The following XIRP2 variants were observed in gnomAD, a reference collection of about 807,000 sequenced individuals.
XIRP2 encodes the protein xin actin binding repeat containing 2.
Under a neutral mutation model 277.0 loss-of-function variants are expected in XIRP2, and 236 were observed. The ratio of observed to expected loss-of-function variants is 0.85; its 90% CI spans 0.77 to 0.95. XIRP2 has a LOEUF of 0.95. Among genes scored for constraint, XIRP2 ranks in the 40% least tolerant of loss-of-function variants. XIRP2 has a pLI of 0.00. For synonymous variants in XIRP2, 1,490 were observed against 1,416.5 expected (o/e 1.05, Z -1.17); for missense variants, 4,640 against 4,157.5 (o/e 1.12, Z -3.19).
intron 5 of XIRP2, among the ~76,000 whole-genome samples, chr2:167,226,741 T>C (rs1694614042): frequency 6.6e-6 from 1 of 152,106 alleles, no homozygotes; most frequent in African/African-American, 2.4e-5. Context: ...GATGTAGTGG[T>C]AGCAAGTTTC....
intron 1 of XIRP2, among the ~76,000 whole-genome samples, chr2:166,890,727 T>C (rs773833499): frequency 6.6e-6 from 1 of 152,182 alleles, no homozygotes; most frequent in African/African-American, 2.4e-5. Context: ...ATAACAGGTA[T>C]TGTCTGGTAC....
At chr2:167,239,120 T>C (rs1694982976) in intron 5 of XIRP2, among the ~76,000 whole-genome samples, 1 of 152,214 alleles carries the variant, frequency 6.6e-6, no homozygotes, top group Non-Finnish European at 1.5e-5. Flanking sequence ...GATATGTCAT[T>C]GTACTGGATG....
chr2:167,045,012 A>G (rs1195455966), intron 2 of XIRP2, among the ~76,000 whole-genome samples: 1 of 152,070 alleles, frequency 6.6e-6, no homozygotes, highest in Admixed American at 6.6e-5. Context: ...GAATGGCTAC[A>G]GTAACAAAAA....
intron 2 of XIRP2, among the ~76,000 whole-genome samples, chr2:167,092,252 C>A (rs1690168529): frequency 6.6e-6 from 1 of 152,092 alleles, no homozygotes; most frequent in African/African-American, 2.4e-5. Context: ...TAGAGTACCA[C>A]ATTATTTATA....
chr2:166,999,037 G>GGT (rs1293844207), intron 2 of XIRP2, among the ~76,000 whole-genome samples: 1 of 151,888 alleles, frequency 6.6e-6, no homozygotes. Context: ...ATTGTCTTTT[G>GGT]GCTTTTAGTG....
chr2:167,170,356 G>GA (rs1692651924), intron 3 of XIRP2, among the ~76,000 whole-genome samples: 2 of 151,828 alleles, frequency 1.3e-5, no homozygotes, highest in African/African-American at 2.4e-5. Context: ...CTATTTTTCT[G>GA]AAAAAAATTT....
At chr2:166,941,683 T>C (rs974462862) in intron 2 of XIRP2, among the ~76,000 whole-genome samples, 1 of 152,224 alleles carries the variant, frequency 6.6e-6, no homozygotes, top group African/African-American at 2.4e-5. Flanking sequence ...TATTCCTTAA[T>C]GATGATTTTT....
intron 2 of XIRP2, among the ~76,000 whole-genome samples, chr2:166,987,924 A>T (rs901704810): frequency 6.6e-6 from 1 of 152,250 alleles, no homozygotes; most frequent in Non-Finnish European, 1.5e-5. Context: ...ATAGGAAGGC[A>T]TGCATTCTTC....
chr2:167,141,482 G>A (rs1013912024), intron 3 of XIRP2, among the ~76,000 whole-genome samples: 6 of 152,144 alleles, frequency 3.9e-5, no homozygotes, highest in Non-Finnish European at 5.9e-5. Context: ...GACAGCAAGT[G>A]CTATAGAAAA....
intron 2 of XIRP2, among the ~76,000 whole-genome samples, chr2:167,033,663 G>A (rs1688426575): frequency 6.6e-6 from 1 of 151,696 alleles, no homozygotes; most frequent in Admixed American, 6.6e-5. Context: ...ATACAAAGGA[G>A]CTCCAATACA....
intron 2 of XIRP2, among the ~76,000 whole-genome samples, chr2:167,048,010 AC>A (rs1480154592): frequency 6.6e-6 from 1 of 152,022 alleles, no homozygotes; most frequent in Non-Finnish European, 1.5e-5. Flanking sequence ...ACTTAATATT[AC>A]AGCTATCCAT....
intron 2 of XIRP2, among the ~76,000 whole-genome samples, chr2:166,927,103 T>G (rs1685209437): frequency 1.3e-5 from 2 of 152,142 alleles, no homozygotes; most frequent in African/African-American, 4.8e-5. Flanking sequence ...CTAGCTAGTA[T>G]TTTAGTTTTT....
At chr2:167,253,476 C>T (rs1279324601) in intron 9 of XIRP2, among the ~76,000 whole-genome samples, 1 of 151,832 alleles carries the variant, frequency 6.6e-6, no homozygotes, top group East Asian at 1.9e-4. Flanking sequence ...TGGTATCTTA[C>T]AGTCAACTCT....
chr2:167,130,824 T>G (rs1337549908), intron 2 of XIRP2, among the ~76,000 whole-genome samples: 1 of 152,150 alleles, frequency 6.6e-6, no homozygotes, highest in East Asian at 1.9e-4. Context: ...AACCGCTCCC[T>G]GGCTGAAGTC....
intron 3 of XIRP2, among the ~76,000 whole-genome samples, chr2:167,159,935 T>C (rs1026681709): frequency 5.9e-5 from 9 of 152,204 alleles, no homozygotes; most frequent in South Asian, 4.1e-4. Flanking sequence ...GCAAGAATAG[T>C]TAAGCTGCAG....
chr2:166,920,741 A>T (rs1164093457), intron 2 of XIRP2, among the ~76,000 whole-genome samples: 2 of 152,170 alleles, frequency 1.3e-5, no homozygotes, highest in African/African-American at 4.8e-5. Context: ...CTTTACTGAC[A>T]TTTTCTCTTT....
At chr2:166,913,207 A>G (rs1018972406) in intron 2 of XIRP2, among the ~76,000 whole-genome samples, 4 of 152,028 alleles carry the variant, frequency 2.6e-5, no homozygotes, top group African/African-American at 9.7e-5. Context: ...CCAGAGGTGG[A>G]GTCTACAGAG....
chr2:166,920,715 A>C (rs147794991), intron 2 of XIRP2, among the ~76,000 whole-genome samples: 28 of 152,310 alleles, frequency 1.8e-4, no homozygotes, highest in African/African-American at 6.7e-4. Context: ...ACTGTGTTCC[A>C]GGAATGTACT....
intron 2 of XIRP2, among the ~76,000 whole-genome samples, chr2:166,965,730 T>C (rs1051706790): frequency 5.3e-5 from 8 of 151,728 alleles, no homozygotes; most frequent in African/African-American, 1.9e-4. Context: ...AACACAAGCA[T>C]GCACCACTAT....
Sources: allele counts gnomAD v4.1 joint callset (sites outside exome capture counted in the v4.1 genomes callset), GRCh38; gene constraint gnomAD v4.1.1; transcripts MANE v1.5; gene names NCBI Gene and HGNC (gene_info 2026-07-23, HGNC 2026-07-21).